Variants in PRKCQ observed in about 807,000 individuals in gnomAD.
PRKCQ encodes protein kinase C theta.
Under a neutral mutation model 91.2 loss-of-function variants are expected in PRKCQ, and 41 were observed. The observed-to-expected ratio is 0.45, with a 90% CI of 0.35 to 0.58. PRKCQ has a LOEUF of 0.58. Among genes scored for constraint, PRKCQ ranks in the 20% least tolerant of loss-of-function variants. The probability of loss-of-function intolerance (pLI) is 0.00; values close to 1 mark genes in which losing one functional copy is unlikely to be tolerated. For missense variants in PRKCQ, 673 were observed against 896.5 expected (o/e 0.75, Z 3.18); for synonymous variants, 307 against 316.9 (o/e 0.97, Z 0.33).
intron 1 of PRKCQ, among the ~76,000 whole-genome samples, chr10:6,521,635 T>C (rs1279456576): frequency 2.0e-5 from 3 of 152,226 alleles, no homozygotes; most frequent in Non-Finnish European, 4.4e-5. Context: ...TCAACTTCAT[T>C]GGTGTGTACC....
intron 1 of PRKCQ, among the ~76,000 whole-genome samples, chr10:6,530,235 G>A (rs1409323690): frequency 6.6e-6 from 1 of 152,170 alleles, no homozygotes; most frequent in African/African-American, 2.4e-5. Flanking sequence ...CCCATGAATA[G>A]AGACATGGCT....
chr10:6,522,005 C>T lies in PRKCQ; in HGVS notation c.-9-6861G>A, dbSNP rs181014587. On this transcript the variant is annotated intron_variant, in intron 1 of 17. Transcript: ENST00000263125. ...TTGCCCAGGCTGGAGTGCAATGGCACGATCTTGGCTCACTGCAACCTTTGC... is the reference window on the plus strand; with the variant it reads ...TTGCCCAGGCTGGAGTGCAATGGCATGATCTTGGCTCACTGCAACCTTTGC... Among the ~76,000 whole-genome samples, 326 of 152,152 alleles carry T rather than the reference C, an allele frequency of 2.1e-3. 1 individual carries two copies. The highest frequency in any genetic ancestry group is 7.2e-3 in the African/African-American group (297 of 41,518).
chr10:6,579,837 A>AT (rs3086770), intron 1 of PRKCQ, among the ~76,000 whole-genome samples: 22,876 of 136,854 alleles, frequency 0.17, 2,062 homozygotes, highest in African/African-American at 0.22. Flanking sequence ...TTCCTCACGC[A>AT]TTTTTTTTTT....
chr10:6,404,688 C>T, the PRKCQ span, among the ~76,000 whole-genome samples: 10 of 142,722 alleles, frequency 7.0e-5, no homozygotes, highest in Non-Finnish European at 1.2e-4. Flanking sequence ...TTTCTTCCTT[C>T]CTTTCTTTCC....
intron 1 of PRKCQ, among the ~76,000 whole-genome samples, chr10:6,574,971 C>G (rs930455491): frequency 3.2e-4 from 36 of 111,576 alleles, no homozygotes; most frequent in African/African-American, 1.0e-3. Context: ...CTGAAACACA[C>G]AATCATTCTG....
At chr10:6,485,381 A>C in intron 9 of PRKCQ, 112 bp from the exon 10 acceptor site, 1 of 819,920 alleles carries the variant, frequency 1.2e-6, no homozygotes, top group Non-Finnish European at 2.1e-6. Flanking sequence ...GCATAGGGTC[A>C]ACAAAGATCT....
chr10:6,522,641 G>A (rs1005336538), intron 1 of PRKCQ, among the ~76,000 whole-genome samples: 1 of 152,132 alleles, frequency 6.6e-6, no homozygotes, highest in Non-Finnish European at 1.5e-5. Flanking sequence ...ATAAGAAATA[G>A]CAAACTTCTT....
intron 11 of PRKCQ, among the ~76,000 whole-genome samples, chr10:6,482,767 A>G (rs1000325807): frequency 6.6e-6 from 1 of 152,172 alleles, no homozygotes; most frequent in Non-Finnish European, 1.5e-5. Context: ...TGGAAGACAA[A>G]GGAAGAGCAA....
Position 6,491,783 on chromosome 10 carries a change from C to T in PRKCQ, c.690G>A (p.Met230Ile). ...AATTGTAGACTTTAAATCTGTGTGG[C>T]ATGTCAATTTTGAATCTCTCCTTGT... ...MFHKERFKID[M>I]PHRFKVYNYK... The change falls in exon 8 of 18, where the codon ATG (methionine) becomes ATA (isoleucine). Residue 230 changes from methionine to isoleucine, a missense_variant. Coordinates refer to ENST00000263125, the MANE Select transcript of PRKCQ (RefSeq NM_006257.5). The T allele has an allele frequency of 6.2e-7, 1 of 1,614,178 alleles. No individual in the cohort carries two copies. The highest frequency in any genetic ancestry group is 8.5e-7 in the Non-Finnish European group (1 of 1,180,032).
At position 6,487,724 on chromosome 10, in the gene PRKCQ, G is replaced by T. The variant is rs367675462; in HGVS notation, c.791-1580C>A. ...GAAACATCACCATTAAAGGCCAGGC[G>T]TGGTGGCTCACACCTGTAATCCCAG... On this transcript the variant is annotated intron_variant, in intron 8 of 17. Transcript: ENST00000263125. Among the ~76,000 whole-genome samples, 7 of 152,212 alleles carry T rather than the reference G, an allele frequency of 4.6e-5. No homozygotes were observed. The South Asian group carries it at 6.2e-4, about 14-fold the overall frequency.
intron 12 of PRKCQ, among the ~76,000 whole-genome samples, chr10:6,471,477 T>G (rs1835964965): frequency 6.6e-6 from 1 of 152,172 alleles, no homozygotes; most frequent in South Asian, 2.1e-4. Flanking sequence ...GCATGGTGGC[T>G]CATGCCTGTG....
chr10:6,535,697 C>T (rs925649539), intron 1 of PRKCQ, among the ~76,000 whole-genome samples: 11 of 152,126 alleles, frequency 7.2e-5, no homozygotes, highest in Admixed American at 4.6e-4. Context: ...CAAAACAGCC[C>T]GTGTCCACCT....
At chr10:6,437,362 G>A (rs560466124) in intron 16 of PRKCQ, among the ~76,000 whole-genome samples, 1 of 152,290 alleles carries the variant, frequency 6.6e-6, no homozygotes, top group African/African-American at 2.4e-5. Context: ...GACACAACAA[G>A]AAGGCAGCTG....
At chr10:6,405,183 A>G in the PRKCQ span, among the ~76,000 whole-genome samples, 5 of 152,160 alleles carry the variant, frequency 3.3e-5, no homozygotes, top group Non-Finnish European at 7.4e-5. Flanking sequence ...GGGTTTCACC[A>G]TGTTGGCCAG....
At position 6,531,975 on chromosome 10, in the gene PRKCQ, G is replaced by A. The variant is rs1006772200; in HGVS notation, c.-9-16831C>T. Among the ~76,000 whole-genome samples, 5 of 152,160 alleles carry A rather than the reference G, an allele frequency of 3.3e-5. No homozygotes were observed. The South Asian group carries it at 1.0e-3, about 32-fold the overall frequency. On this transcript the variant is annotated intron_variant, in intron 1 of 17. Coordinates refer to ENST00000263125, the MANE Select transcript of PRKCQ (RefSeq NM_006257.5). ...GGGATTAGGAGCCAGTTCTCCCAGC[G>A]CCTCCCTCGGTCCTCTTTTGGCCGG...
intron 12 of PRKCQ, among the ~76,000 whole-genome samples, chr10:6,472,849 A>C (rs1054001627): frequency 2.4e-4 from 36 of 152,082 alleles, no homozygotes; most frequent in African/African-American, 8.7e-4. Context: ...AGTAGCTGGG[A>C]TTATAGGTGC....
At chr10:6,498,357 A>G in intron 5 of PRKCQ, 39 bp downstream of exon 5, 1 of 1,607,138 alleles carries the variant, frequency 6.2e-7, no homozygotes, top group Non-Finnish European at 8.5e-7. Context: ...AACAAAATGC[A>G]TAACCCGAAG....
chr10:6,558,839 T>A (rs1262636374), intron 1 of PRKCQ, among the ~76,000 whole-genome samples: 1 of 152,166 alleles, frequency 6.6e-6, no homozygotes, highest in African/African-American at 2.4e-5. Context: ...ATCCTTAGGG[T>A]GTAAGAGAAG....
intron 1 of PRKCQ, among the ~76,000 whole-genome samples, chr10:6,573,625 T>A (rs1456624188): frequency 6.6e-6 from 1 of 152,240 alleles, no homozygotes; most frequent in Admixed American, 6.5e-5. Flanking sequence ...TCCAATAGAT[T>A]GTACGCTTAT....
Sources: gnomAD v4.1 joint callset for allele counts (sites outside exome capture counted in the v4.1 genomes callset) on GRCh38, gnomAD v4.1.1 for gene constraint, MANE v1.5 for transcripts, NCBI Gene and HGNC (gene_info 2026-07-23, HGNC 2026-07-21) for gene names.